Variants in ACO1 observed in about 807,000 individuals in gnomAD.
ACO1 encodes the protein aconitase 1.
ACO1 carries 78 observed loss-of-function variants against 105.1 expected under a neutral mutation model. The observed-to-expected ratio is 0.74, with a 90% CI of 0.62 to 0.90. The LOEUF is 0.90. Among genes scored for constraint, ACO1 ranks in the 40% least tolerant of loss-of-function variants. The pLI is 0.00. For synonymous variants in ACO1, 364 were observed against 397.4 expected, an observed-to-expected ratio of 0.92 and a Z score of 1.00; for missense variants, 965 against 1,111.1, an observed-to-expected ratio of 0.87 and a Z score of 1.87.
intron 1 of ACO1, among the ~76,000 whole-genome samples, chr9:32,389,240 T>G (rs1821215370): frequency 6.6e-6 from 1 of 152,244 alleles, no homozygotes. Context: ...TGCCCCTGCA[T>G]GTACAAAGGC....
At chr9:32,418,577 C>T (rs1821903360) in intron 6 of ACO1, 66 bp downstream of exon 6, 1 of 1,494,520 alleles carries the variant, frequency 6.7e-7, no homozygotes, top group Admixed American at 2.1e-5. Flanking sequence ...TCTATTACAT[C>T]TCAGTAACAT....
intron 2 of ACO1, among the ~76,000 whole-genome samples, chr9:32,406,932 C>T (rs552150867): frequency 3.2e-4 from 49 of 152,218 alleles, no homozygotes; most frequent in African/African-American, 9.9e-4. Flanking sequence ...TACAGGCACA[C>T]GCCACAATGC....
chr9:32,437,467 G>T (rs1164930827), intron 18 of ACO1, among the ~76,000 whole-genome samples: 1 of 152,194 alleles, frequency 6.6e-6, no homozygotes, highest in Non-Finnish European at 1.5e-5. Flanking sequence ...GATAGCAGAG[G>T]TTACAGAATA....
intron 12 of ACO1, among the ~76,000 whole-genome samples, chr9:32,427,757 C>G (rs1417933109): frequency 6.6e-6 from 1 of 152,126 alleles, no homozygotes; most frequent in Non-Finnish European, 1.5e-5. Context: ...ACTTAGGCCA[C>G]ACTAACTTAA....
At chr9:32,387,598 A>T (rs1821181353) in intron 1 of ACO1, among the ~76,000 whole-genome samples, 1 of 152,218 alleles carries the variant, frequency 6.6e-6, no homozygotes, top group Non-Finnish European at 1.5e-5. Flanking sequence ...AAGTCCTCTA[A>T]AATTTTTGAT....
chr9:32,418,197 G>GGTAT lies in ACO1; in HGVS notation c.474+2_474+5dup, dbSNP rs767756764. The GGTAT allele has an allele frequency of 7.4e-6, 12 of 1,614,154 alleles. No individual in the cohort carries two copies. Among genetic ancestry groups the GGTAT allele is most frequent in the Non-Finnish European group, 8.5e-6 (10 of 1,180,006 alleles). On this transcript the variant is annotated frameshift_variant and splice_region_variant. Coordinates refer to ENST00000309951, the MANE Select transcript of ACO1 (RefSeq NM_002197.3). LOFTEE classifies it high-confidence loss of function. ...ATAGAGAGCGATTTGAATTTTTAAA[G>GGTAT]GTATGGGCAGGGTCTGGTTCCATTG... is the stretch of plus-strand genomic sequence containing the variant.
At chr9:32,385,636 C>T (rs951157924) in intron 1 of ACO1, among the ~76,000 whole-genome samples, 1 of 152,114 alleles carries the variant, frequency 6.6e-6, no homozygotes, top group East Asian at 1.9e-4. Context: ...TTTTGCAAAT[C>T]TCTTTGATGT....
At chr9:32,385,739 A>G (rs1821144938) in intron 1 of ACO1, among the ~76,000 whole-genome samples, 1 of 152,160 alleles carries the variant, frequency 6.6e-6, no homozygotes, top group Non-Finnish European at 1.5e-5. Flanking sequence ...CCTCCACTGT[A>G]TACTCCTGAA....
intron 11 of ACO1, among the ~76,000 whole-genome samples, chr9:32,426,434 C>T (rs1257197561): frequency 6.6e-6 from 1 of 152,142 alleles, no homozygotes; most frequent in African/African-American, 2.4e-5. Context: ...GGGCCACTGG[C>T]CTGTTTCGCA....
chr9:32,403,400 C>T (rs1167618817), intron 1 of ACO1, among the ~76,000 whole-genome samples: 1 of 152,140 alleles, frequency 6.6e-6, no homozygotes, highest in Non-Finnish European at 1.5e-5. Context: ...TGAAACTAGA[C>T]AGTTATCTAG....
rs149681597 is a variant in ACO1, at chr9:32,451,472, G to T, written c.*1361G>T. The T allele has an allele frequency of 0.018, 2,748 of 152,260 alleles. 43 individuals are homozygous for T. The highest frequency in any genetic ancestry group is 0.027 in the Non-Finnish European group (1,815 of 68,038). 9.4% of individuals were successfully genotyped at this position (152,260 alleles called of 1,614,324 possible). A position where few individuals can be genotyped will look rare whatever the true frequency, so the allele number is the denominator to read the frequency against. ...GGAAAGCTGGTGGTATAACAACTTG[G>T]TTCAAGTCCAAATGCCTAAGAACCT... is the stretch of plus-strand genomic sequence containing the variant. On this transcript the variant is annotated 3_prime_UTR_variant, in exon 21 of 21. Transcript: ENST00000309951.
intron 19 of ACO1, among the ~76,000 whole-genome samples, chr9:32,443,670 G>A (rs949741891): frequency 4.6e-5 from 7 of 152,048 alleles, no homozygotes; most frequent in East Asian, 3.8e-4. Flanking sequence ...GCTTTATAAC[G>A]GAAGTCATTT....
chr9:32,414,884 T>A (rs1792430046), intron 4 of ACO1, among the ~76,000 whole-genome samples: 1 of 152,000 alleles, frequency 6.6e-6, no homozygotes, highest in Non-Finnish European at 1.5e-5. Flanking sequence ...CAGATTATAG[T>A]TTAGAAGGGG....
At chr9:32,402,594 C>T (rs1387794227) in intron 1 of ACO1, among the ~76,000 whole-genome samples, 2 of 152,074 alleles carry the variant, frequency 1.3e-5, no homozygotes, top group East Asian at 3.9e-4. Context: ...TTTTTAGAGC[C>T]TGAAGGACCA....
intron 6 of ACO1, 139 bp from the exon 7 acceptor site, chr9:32,418,898 CT>C (rs755665499): frequency 8.7e-6 from 9 of 1,036,654 alleles, no homozygotes; most frequent in Non-Finnish European, 1.2e-5. Context: ...GAAAAAATAA[CT>C]GCTCTTTATA....
At chr9:32,416,228 G>A (rs913602029) in intron 4 of ACO1, among the ~76,000 whole-genome samples, 1 of 151,716 alleles carries the variant, frequency 6.6e-6, no homozygotes, top group Non-Finnish European at 1.5e-5. Context: ...TCGAGTAGCT[G>A]GGATTACAGG....
At chr9:32,434,213 C>T (rs1003683542) in intron 16 of ACO1, among the ~76,000 whole-genome samples, 1 of 152,120 alleles carries the variant, frequency 6.6e-6, no homozygotes, top group African/African-American at 2.4e-5. Flanking sequence ...GGGTGGGTCA[C>T]TGTGGGAAGG....
intron 18 of ACO1, among the ~76,000 whole-genome samples, chr9:32,436,881 G>A (rs1232273779): frequency 6.6e-6 from 1 of 152,184 alleles, no homozygotes; most frequent in Non-Finnish European, 1.5e-5. Context: ...TAGCTGTGGA[G>A]CCTTAAAGTT....
At chr9:32,449,330 C>CTG (rs1219651697) in intron 20 of ACO1, among the ~76,000 whole-genome samples, 1 of 152,194 alleles carries the variant, frequency 6.6e-6, no homozygotes, top group African/African-American at 2.4e-5. Flanking sequence ...CCACCCCCTA[C>CTG]TGTACCCTGT....
Sources: allele counts gnomAD v4.1 joint callset (sites outside exome capture counted in the v4.1 genomes callset), GRCh38; gene constraint gnomAD v4.1.1; transcripts MANE v1.5; gene names NCBI Gene and HGNC (gene_info 2026-07-23, HGNC 2026-07-21).